Variants in FBXO11 observed in about 807,000 individuals in gnomAD.
FBXO11 encodes the protein F-box only protein 11.
A neutral mutation model predicts 117.0 loss-of-function variants in FBXO11; 13 were observed. That is an observed-to-expected ratio of 0.11 (90% CI 0.07 to 0.18). FBXO11 has a LOEUF of 0.18. Among genes scored for constraint, FBXO11 ranks in the 10% least tolerant of loss-of-function variants. The probability of loss-of-function intolerance (pLI) is 1.00; values close to 1 mark genes in which losing one functional copy is unlikely to be tolerated. For missense variants in FBXO11, 767 were observed against 1,164.4 expected, an observed-to-expected ratio of 0.66 and a Z score of 4.97; for synonymous variants, 490 against 380.5, an observed-to-expected ratio of 1.29 and a Z score of -3.35.
At chr2:47,844,659 C>T (rs1201767847) in intron 1 of FBXO11, among the ~76,000 whole-genome samples, 17 of 151,954 alleles carry the variant, frequency 1.1e-4, no homozygotes, top group African/African-American at 3.9e-4. Context: ...TTCTTTTGTT[C>T]GTTTTGTTTT....
At chr2:47,879,272 A>G (rs972074636) in intron 1 of FBXO11, among the ~76,000 whole-genome samples, 3 of 152,226 alleles carry the variant, frequency 2.0e-5, no homozygotes, top group Non-Finnish European at 4.4e-5. Flanking sequence ...GGTGTAAAGT[A>G]TAAGATAAAT....
intron 1 of FBXO11, among the ~76,000 whole-genome samples, chr2:47,841,709 C>T (rs1485334397): frequency 3.3e-5 from 5 of 152,094 alleles, no homozygotes; most frequent in Admixed American, 3.3e-4. Context: ...GGCGTGATCT[C>T]AGCTCACTGC....
intron 1 of FBXO11, among the ~76,000 whole-genome samples, chr2:47,897,852 A>T (rs1677794165): frequency 6.6e-6 from 1 of 152,196 alleles, no homozygotes; most frequent in Admixed American, 6.5e-5. Context: ...AAAATAACTA[A>T]AAGTACATAT....
chr2:47,836,106 G>C (rs1479331898), intron 4 of FBXO11, 105 bp from the exon 5 acceptor site: 8 of 712,014 alleles, frequency 1.1e-5, no homozygotes, highest in Non-Finnish European at 1.7e-5. Context: ...ACTTGAGTAA[G>C]AAAGTAAGAA....
chr2:47,905,349 G>C (rs538885137), intron 1 of FBXO11, 140 bp downstream of exon 1: 3 of 908,118 alleles, frequency 3.3e-6, no homozygotes, highest in Non-Finnish European at 4.2e-6. Context: ...GCGGCACCGG[G>C]GGACCCGCCT....
rs1670326697 is a variant in FBXO11, at chr2:47,807,784, TTAC to T, written c.*331_*333del. 2 of 260,084 alleles carry T rather than the reference TTAC, an allele frequency of 7.7e-6. No individual in the cohort carries two copies. 16.1% of individuals were successfully genotyped at this position (260,084 alleles called of 1,614,324 possible). Reference sequence around the variant, plus strand: ...AACAAAGCTGCTTGTCTATTGAAGATTACTACTGCAAATTGGACTGCATTCAAT... The same window carrying T: ...AACAAAGCTGCTTGTCTATTGAAGATTACTGCAAATTGGACTGCATTCAAT... On this transcript the variant is annotated 3_prime_UTR_variant, in exon 23 of 23. Coordinates refer to ENST00000403359, the MANE Select transcript of FBXO11 (RefSeq NM_001190274.2).
chr2:47,890,931 T>C (rs905510937), intron 1 of FBXO11, among the ~76,000 whole-genome samples: 2 of 151,996 alleles, frequency 1.3e-5, no homozygotes, highest in African/African-American at 4.8e-5. Context: ...GATCCTCCCA[T>C]CTCAGCCTCC....
chr2:47,824,732 A>C (rs1671622818), intron 11 of FBXO11, among the ~76,000 whole-genome samples: 1 of 152,172 alleles, frequency 6.6e-6, no homozygotes, highest in South Asian at 2.1e-4. Context: ...TGAGTGGTGG[A>C]ATTATGGATA....
intron 14 of FBXO11, 76 bp downstream of exon 14, chr2:47,820,285 TA>T: frequency 8.8e-7 from 1 of 1,136,892 alleles, no homozygotes; most frequent in Non-Finnish European, 1.3e-6. Context: ...ATGGCCTACC[TA>T]AAAGCTTGAG....
chr2:47,809,857 C>T, intron 19 of FBXO11, 150 bp from the exon 20 acceptor site: 1 of 565,164 alleles, frequency 1.8e-6, no homozygotes, highest in Non-Finnish European at 3.1e-6. Context: ...CCTATTTCAA[C>T]CACCAACAGT....
At chr2:47,837,450 C>T (rs1457836397) in intron 4 of FBXO11, among the ~76,000 whole-genome samples, 2 of 152,254 alleles carry the variant, frequency 1.3e-5, no homozygotes, top group East Asian at 3.9e-4. Flanking sequence ...TTGCTTGAAC[C>T]CGGGAGGCAG....
chr2:47,900,704 GTGTA>G (rs1480091996), intron 1 of FBXO11, among the ~76,000 whole-genome samples: 3 of 69,786 alleles, frequency 4.3e-5, no homozygotes, highest in Admixed American at 1.3e-4. Context: ...ATACACACAC[GTGTA>G]TATATATACA....
intron 1 of FBXO11, among the ~76,000 whole-genome samples, chr2:47,841,672 C>T (rs552304406): frequency 2.9e-4 from 44 of 152,158 alleles, no homozygotes; most frequent in African/African-American, 9.4e-4. Flanking sequence ...GATGGAGTCT[C>T]GCTGTGTCGC....
In FBXO11 at chr2:47,837,568, G is replaced by C. The variant is rs900045002; in HGVS notation, c.587+1291C>G. On this transcript the variant is annotated intron_variant, in intron 4 of 22. Coordinates refer to ENST00000403359, the MANE Select transcript of FBXO11 (RefSeq NM_001190274.2). Reference sequence around the variant, plus strand: ...CATATATATATATGGTGCACCTTTTGTGCATCATAAAAGTAATACATATAA... The same window carrying C: ...CATATATATATATGGTGCACCTTTTCTGCATCATAAAAGTAATACATATAA... Among the ~76,000 whole-genome samples, 5 of 152,124 alleles carry C rather than the reference G, an allele frequency of 3.3e-5. 1 individual carries two copies. The South Asian group carries it at 8.3e-4, about 25-fold the overall frequency.
chr2:47,881,574 A>G (rs1246745440), intron 1 of FBXO11, among the ~76,000 whole-genome samples: 20 of 152,142 alleles, frequency 1.3e-4, no homozygotes, highest in Admixed American at 1.2e-3. Context: ...TTTCTTTTAA[A>G]GTGCTGAATA....
rs1253842505 is a variant in FBXO11 at position 47,806,979 on chromosome 2, A to AATT, written c.*1136_*1138dup. On this transcript the variant is annotated 3_prime_UTR_variant, in exon 23 of 23. Transcript: ENST00000403359. The stretch of plus-strand genomic sequence containing the variant: ...CCATTTTTCCATTTTCTTTCTAGGA[A>AATT]ATTAAACCCTTTTAATTCTTATCTA... 1.2e-6 allele frequency: 1 copy of AATT among 800,750 alleles called. No individual in the cohort carries two copies. Among genetic ancestry groups the AATT allele is most frequent in the Non-Finnish European group, 2.1e-6 (1 of 476,366 alleles). 49.6% of individuals were successfully genotyped at this position (800,750 alleles called of 1,614,324 possible). A position where few individuals can be genotyped will look rare whatever the true frequency, so the allele number is the denominator to read the frequency against.
chr2:47,835,138 G>A lies in FBXO11; in HGVS notation c.718-267C>T, dbSNP rs144529436. The stretch of plus-strand genomic sequence containing the variant: ...TGTTATGGGGGCTGTCCTGTGCACT[G>A]TAGGATGTTTAGAGGTATCCCTGGC... On this transcript the variant is annotated intron_variant, in intron 5 of 22. Coordinates refer to ENST00000403359, the MANE Select transcript of FBXO11 (RefSeq NM_001190274.2). Among the ~76,000 whole-genome samples, 929 of 152,294 alleles carry A rather than the reference G, an allele frequency of 6.1e-3. 4 individuals are homozygous for A. The highest frequency in any genetic ancestry group is 9.2e-3 in the Non-Finnish European group (623 of 68,044).
At chr2:47,892,724 C>T (rs568048815) in intron 1 of FBXO11, among the ~76,000 whole-genome samples, 83 of 152,078 alleles carry the variant, frequency 5.5e-4, no homozygotes, top group Non-Finnish European at 1.0e-3. Context: ...ACCTGTCCTC[C>T]TACCTTCAAT....
At position 47,833,038 on chromosome 2, in the gene FBXO11, C is replaced by T; in HGVS notation, c.967G>A (p.Glu323Lys). 1 of 1,613,482 alleles carries T rather than the reference C, an allele frequency of 6.2e-7. No individual in the cohort carries two copies. Among genetic ancestry groups the T allele is most frequent in the Non-Finnish European group, 8.5e-7 (1 of 1,179,712 alleles). Residue 323 changes from glutamate (E) to lysine (K), a missense_variant, in exon 8 of 23, where the codon GAA becomes AAA. By Grantham distance (56) the Glu-to-Lys change is moderately conservative (BLOSUM62 1). This residue lies in a region of FBXO11 where 123 missense variants were observed against 145.0 expected (regional missense o/e 0.85). Transcript: ENST00000403359. ...ACGAAGGTTGAATCTCTAGTGTTTTCAATTATAACTTTGTCTGCCACTTTC... is the reference window on the plus strand; with the variant it reads ...ACGAAGGTTGAATCTCTAGTGTTTTTAATTATAACTTTGTCTGCCACTTTC... ...PGKVADKVII[E>K]NTRDSTFVFM...
Sources: gnomAD v4.1 joint callset for allele counts (sites outside exome capture counted in the v4.1 genomes callset) on GRCh38, gnomAD v4.1.1 for gene constraint, gnomAD v4.1.1 regional missense constraint, MANE v1.5 for transcripts, NCBI Gene and HGNC (gene_info 2026-07-23, HGNC 2026-07-21) for gene names.